Variants in CADM1 observed in about 807,000 individuals in gnomAD.
CADM1 encodes the protein cell adhesion molecule 1, also known as TSLC-1.
In CADM1, 15 loss-of-function variants were observed where a neutral mutation model predicts 53.1. The observed-to-expected ratio is 0.28, with a 90% CI of 0.19 to 0.44. The LOEUF (loss-of-function observed/expected upper bound fraction) is 0.44, where lower values mean the gene tolerates loss of function less well. Ranked by LOEUF, CADM1 falls within the 20% of genes least tolerant of loss-of-function variation. The pLI, the probability that CADM1 is intolerant of heterozygous loss-of-function variation, is 1.00. For synonymous variants in CADM1, 281 were observed against 243.0 expected (o/e 1.16, Z -1.45); for missense variants, 434 against 611.3 (o/e 0.71, Z 3.06).
intron 5 of CADM1, 43 bp downstream of exon 5, chr11:115,229,070 A>C: frequency 1.9e-6 from 3 of 1,602,142 alleles, no homozygotes; most frequent in Non-Finnish European, 2.6e-6. Context: ...TTTCTATGTA[A>C]CTGCAACTCT....
chr11:115,233,923 T>C (rs981182672), intron 3 of CADM1, among the ~76,000 whole-genome samples: 1 of 152,304 alleles, frequency 6.6e-6, no homozygotes, highest in African/African-American at 2.4e-5. Context: ...CCCTAGGGAA[T>C]GGACCAGATC....
chr11:115,352,575 G>T (rs1302712288), intron 1 of CADM1, among the ~76,000 whole-genome samples: 1 of 152,288 alleles, frequency 6.6e-6, no homozygotes, highest in Middle Eastern at 3.4e-3. Context: ...GATGAGCAAA[G>T]TAAATTCCTT....
intron 1 of CADM1, among the ~76,000 whole-genome samples, chr11:115,490,079 A>C (rs1949458403): frequency 6.6e-6 from 1 of 152,192 alleles, no homozygotes; most frequent in Non-Finnish European, 1.5e-5. Context: ...AAAACATTTA[A>C]AGTTTTGAGC....
At chr11:115,336,921 A>G (rs1356372101) in intron 1 of CADM1, among the ~76,000 whole-genome samples, 9 of 152,176 alleles carry the variant, frequency 5.9e-5, no homozygotes, top group Admixed American at 5.9e-4. Context: ...AGTACTGACT[A>G]TATATTTGAA....
chr11:115,498,465 G>A (rs1243398661), intron 1 of CADM1, among the ~76,000 whole-genome samples: 1 of 152,194 alleles, frequency 6.6e-6, no homozygotes, highest in African/African-American at 2.4e-5. Flanking sequence ...ATCATTATGG[G>A]AACAATTGGA....
At chr11:115,219,915 C>A (rs375461581) in intron 5 of CADM1, among the ~76,000 whole-genome samples, 1 of 152,250 alleles carries the variant, frequency 6.6e-6, no homozygotes, top group African/African-American at 2.4e-5. Context: ...CCTGCTACCT[C>A]ACAGTTCATA....
chr11:115,222,960 GT>G (rs1233203520), intron 5 of CADM1, among the ~76,000 whole-genome samples: 3 of 152,042 alleles, frequency 2.0e-5, no homozygotes, highest in Non-Finnish European at 4.4e-5. Flanking sequence ...CAAGAGAGGG[GT>G]TTTTTTGTTT....
intron 1 of CADM1, among the ~76,000 whole-genome samples, chr11:115,470,881 C>A (rs1948996593): frequency 6.6e-6 from 1 of 152,098 alleles, no homozygotes; most frequent in Non-Finnish European, 1.5e-5. Context: ...TAAGGTCAAA[C>A]AATGGGAATC....
intron 7 of CADM1, among the ~76,000 whole-genome samples, chr11:115,211,003 T>TA (rs1940930508): frequency 6.6e-6 from 1 of 151,986 alleles, no homozygotes; most frequent in Non-Finnish European, 1.5e-5. Flanking sequence ...CACTTTCATT[T>TA]AAAGCAGCCT....
At chr11:115,219,159 C>A (rs914136651) in intron 5 of CADM1, among the ~76,000 whole-genome samples, 4 of 152,124 alleles carry the variant, frequency 2.6e-5, no homozygotes, top group Non-Finnish European at 5.9e-5. Flanking sequence ...GACAATCATA[C>A]CACCTAAACA....
At chr11:115,463,367 T>C (rs967741147) in intron 1 of CADM1, among the ~76,000 whole-genome samples, 1 of 152,170 alleles carries the variant, frequency 6.6e-6, no homozygotes, top group Admixed American at 6.5e-5. Context: ...TTAAAACATA[T>C]AATATTTTTA....
intron 1 of CADM1, among the ~76,000 whole-genome samples, chr11:115,341,771 T>A (rs1315589416): frequency 6.6e-6 from 1 of 152,190 alleles, no homozygotes; most frequent in South Asian, 2.1e-4. Context: ...CCTTTTTTCA[T>A]CTGTTTTTGA....
chr11:115,206,815 C>A (rs1940721647), intron 8 of CADM1, among the ~76,000 whole-genome samples: 1 of 63,616 alleles, frequency 1.6e-5, no homozygotes, highest in Admixed American at 2.5e-4. Context: ...GTTACTGTCA[C>A]CGAATTTGGC....
At chr11:115,262,160 C>G (rs1360435947) in intron 1 of CADM1, among the ~76,000 whole-genome samples, 1 of 146,562 alleles carries the variant, frequency 6.8e-6, no homozygotes. Context: ...TTTTTTCCTG[C>G]TAAGGAAAAC....
chr11:115,329,582 C>T (rs1317228139), intron 1 of CADM1, among the ~76,000 whole-genome samples: 1 of 152,052 alleles, frequency 6.6e-6, no homozygotes, highest in Non-Finnish European at 1.5e-5. Flanking sequence ...CCCATAGTAG[C>T]GTCTAGGGCT....
intron 1 of CADM1, among the ~76,000 whole-genome samples, chr11:115,330,076 T>C (rs962679558): frequency 5.3e-5 from 8 of 151,508 alleles, no homozygotes; most frequent in African/African-American, 9.7e-5. Context: ...AAACAGGAAG[T>C]CCTGTTCTCA....
chr11:115,476,159 T>C (rs1382868767), intron 1 of CADM1, among the ~76,000 whole-genome samples: 1 of 152,092 alleles, frequency 6.6e-6, no homozygotes, highest in African/African-American at 2.4e-5. Flanking sequence ...CAAGAACCAA[T>C]TATGTCCTGG....
chr11:115,209,958 A>G (rs1249108238), intron 7 of CADM1, among the ~76,000 whole-genome samples: 1 of 152,200 alleles, frequency 6.6e-6, no homozygotes, highest in Admixed American at 6.5e-5. Context: ...CCAGATTTCA[A>G]AGGTGAGGTT....
chr11:115,487,619 G>C (rs1949405193), intron 1 of CADM1, among the ~76,000 whole-genome samples: 1 of 152,120 alleles, frequency 6.6e-6, no homozygotes, highest in South Asian at 2.1e-4. Context: ...TCATGCTGTT[G>C]CATGAATGGA....
Sources: allele counts gnomAD v4.1 joint callset (sites outside exome capture counted in the v4.1 genomes callset), GRCh38; gene constraint gnomAD v4.1.1; transcripts MANE v1.5; gene names NCBI Gene and HGNC (gene_info 2026-07-23, HGNC 2026-07-21).